The following DDX46 variants were observed in gnomAD, a reference collection of about 807,000 sequenced individuals.
DDX46 encodes DEAD-box helicase 46.
In DDX46, 30 loss-of-function variants were observed where a neutral mutation model predicts 134.9. The observed-to-expected ratio is 0.22, with a 90% CI of 0.17 to 0.30. DDX46 has a LOEUF of 0.30. Among genes scored for constraint, DDX46 ranks in the 10% least tolerant of loss-of-function variants. DDX46 has a pLI of 1.00. For missense variants in DDX46, 622 were observed against 1,248.7 expected (o/e 0.50, Z 7.56); for synonymous variants, 415 against 404.1 (o/e 1.03, Z -0.32).
At chr5:134,771,574 C>T (rs1182138582) in intron 4 of DDX46, among the ~76,000 whole-genome samples, 11 of 148,058 alleles carry the variant, frequency 7.4e-5, no homozygotes, top group East Asian at 2.0e-4. Flanking sequence ...TGGTGGCAGG[C>T]GCCTGTAGTC....
rs1412568387 is a variant in DDX46 at position 134,795,354 on chromosome 5, CAG to C, written c.1791+341_1791+342del. Among the ~76,000 whole-genome samples the C allele has an allele frequency of 1.1e-4, 17 of 152,076 alleles. 1 individual carries two copies. Among genetic ancestry groups the C allele is most frequent in the Admixed American group, 7.2e-4 (11 of 15,264 alleles). ...CATCAGTGTGGTGACCTCCCGGTAA[CAG>C]GGGACCACCAGATTGCCTAAAGAAT... is the stretch of plus-strand genomic sequence containing the variant. On this transcript the variant is annotated intron_variant, in intron 14 of 22. Coordinates refer to ENST00000452510, the MANE Select transcript of DDX46 (RefSeq NM_001300860.2).
intron 15 of DDX46, among the ~76,000 whole-genome samples, chr5:134,802,062 T>C (rs969413422): frequency 3.9e-5 from 6 of 152,136 alleles, no homozygotes; most frequent in Non-Finnish European, 7.3e-5. Flanking sequence ...TTCAGTTATG[T>C]ATATGTTTGA....
intron 11 of DDX46, among the ~76,000 whole-genome samples, chr5:134,787,341 AAAAGTT>A (rs1392241519): frequency 6.6e-6 from 1 of 152,214 alleles, no homozygotes. Context: ...TTGGAGTATA[AAAAGTT>A]AAAACCACTT....
At chr5:134,784,931 C>G (rs1273987140) in intron 10 of DDX46, among the ~76,000 whole-genome samples, 1 of 152,154 alleles carries the variant, frequency 6.6e-6, no homozygotes, top group Non-Finnish European at 1.5e-5. Context: ...CCTTAACAGG[C>G]TATAATGCCA....
At position 134,807,599 on chromosome 5, in the gene DDX46, A is replaced by G. The variant is rs992427383; in HGVS notation, c.1955-149A>G. On this transcript the variant is annotated intron_variant, in intron 15 of 22. Transcript: ENST00000452510. ...AATGAGTTAATAGCAATAACCTTTA[A>G]TCTTGCCATTACATTTTCTTAGTCT... is the stretch of plus-strand genomic sequence containing the variant. 8.8e-6 allele frequency: 6 copies of G among 678,248 alleles called. No homozygotes were observed. The East Asian group carries it at 1.7e-4, about 19-fold the overall frequency. The allele number at this position is 678,248 out of a possible 1,614,324, so 42.0% of individuals were successfully genotyped here.
Position 134,775,115 on chromosome 5 carries a change from C to CAGCT in DDX46, c.613+1256_613+1259dup, listed in dbSNP as rs545142707. 1.1e-4 allele frequency among the ~76,000 whole-genome samples: 16 copies of CAGCT among 152,178 alleles called. No homozygotes were observed. In the East Asian group the frequency reaches 3.1e-3, roughly 29 times the overall value. ...GATTACAGGCGTGAGCCACCATGCC[C>CAGCT]AGCTAATTTTGTCATTTTTTGAAGA... On this transcript the variant is annotated intron_variant, in intron 5 of 22. Transcript: ENST00000452510.
rs369352257 is a variant in DDX46, at chr5:134,794,870, T to C, written c.1647T>C (p.Asn549=). ...FEPQVMRIVD[N]VRPDRQTVMF... ...CTCAGGTCATGCGCATCGTGGATAA[T>C]GTTCGTCCTGATCGACAGACGGTTA... The change falls in exon 14 of 23, where the codon AAT becomes AAC. Residue 549 remains asparagine, a synonymous_variant. Transcript: ENST00000452510. 3.3e-5 allele frequency: 54 copies of C among 1,614,112 alleles called. No homozygotes were observed. Among genetic ancestry groups the C allele is most frequent in the Non-Finnish European group, 4.0e-5 (47 of 1,180,044 alleles).
At chr5:134,771,662 A>G (rs748475873) in intron 4 of DDX46, among the ~76,000 whole-genome samples, 3 of 151,622 alleles carry the variant, frequency 2.0e-5, no homozygotes, top group African/African-American at 4.8e-5. Flanking sequence ...AGATTGGGCC[A>G]CTGTACTCCA....
intron 14 of DDX46, 103 bp from the exon 15 acceptor site, chr5:134,795,885 C>A: frequency 9.6e-7 from 1 of 1,041,250 alleles, no homozygotes; most frequent in Non-Finnish European, 1.4e-6. Context: ...AAAGATATAG[C>A]AAGATATTGT....
At chr5:134,777,539 CAG>C (rs764466209) in intron 5 of DDX46, 33 bp from the exon 6 acceptor site, 115 of 1,607,004 alleles carry the variant, frequency 7.2e-5, no homozygotes, top group Non-Finnish European at 9.2e-5. Context: ...CATTTTTAAA[CAG>C]ATGTTTAAAG....
intron 6 of DDX46, among the ~76,000 whole-genome samples, chr5:134,780,530 C>G (rs567273557): frequency 6.7e-6 from 1 of 148,790 alleles, no homozygotes; most frequent in South Asian, 2.1e-4. Context: ...TGCCATTGCA[C>G]TCCAGCCTGG....
At position 134,828,727 on chromosome 5, in the gene DDX46, T is replaced by A; in HGVS notation, c.*21T>A. 3 of 1,490,204 alleles carry A rather than the reference T, an allele frequency of 2.0e-6. No homozygotes were observed. Among genetic ancestry groups the A allele is most frequent in the Non-Finnish European group, 2.7e-6 (3 of 1,120,458 alleles). The allele number at this position is 1,490,204 out of a possible 1,614,324, so 92.3% of individuals were successfully genotyped here. A position where few individuals can be genotyped will look rare whatever the true frequency, so the allele number is the denominator to read the frequency against. ...TATAGACATCCGGAAAAAAGATTTT[T>A]ACCTGTGCTGGTCTATGATGTATGT... On this transcript the variant is annotated 3_prime_UTR_variant, in exon 23 of 23. Coordinates refer to ENST00000452510, the MANE Select transcript of DDX46 (RefSeq NM_001300860.2).
intron 1 of DDX46, 31 bp from the exon 2 acceptor site, chr5:134,763,873 G>T (rs778871816): frequency 1.3e-6 from 2 of 1,585,802 alleles, no homozygotes; most frequent in South Asian, 2.3e-5. Context: ...AATGGTGTTT[G>T]CTGAACTTAA....
Position 134,819,155 on chromosome 5 carries a change from A to G in DDX46, c.2977+151A>G, listed in dbSNP as rs899718540. The G allele has an allele frequency of 1.5e-5, 12 of 793,622 alleles. No homozygotes were observed. The Admixed American group carries it at 1.8e-4, about 12-fold the overall frequency. 49.2% of individuals were successfully genotyped at this position (793,622 alleles called of 1,614,324 possible). ...AAATCTTATGACATTTGAGGTCTTT[A>G]TATATAAGAATTTCAGTACATATGC... is the stretch of plus-strand genomic sequence containing the variant. On this transcript the variant is annotated intron_variant, in intron 21 of 22. Coordinates refer to ENST00000452510, the MANE Select transcript of DDX46 (RefSeq NM_001300860.2).
At chr5:134,764,142 C>T (rs541641178) in intron 2 of DDX46, 50 bp downstream of exon 2, 36 of 1,539,726 alleles carry the variant, frequency 2.3e-5, no homozygotes, top group Middle Eastern at 4.3e-4. Flanking sequence ...TGGGCCTTCT[C>T]GGCTATAGCA....
At chr5:134,782,301 T>A (rs957742391) in intron 8 of DDX46, among the ~76,000 whole-genome samples, 1 of 152,030 alleles carries the variant, frequency 6.6e-6, no homozygotes. Flanking sequence ...AGCTCAGAAG[T>A]TCGAGACCAG....
rs144484422 is a variant in DDX46, at chr5:134,797,702, A to G, written c.1954+1552A>G. Among the ~76,000 whole-genome samples, 580 of 152,374 alleles carry G rather than the reference A, an allele frequency of 3.8e-3. 3 individuals are homozygous for G. The highest frequency in any genetic ancestry group is 0.013 in the African/African-American group (551 of 41,588). On this transcript the variant is annotated intron_variant, in intron 15 of 22. Coordinates refer to ENST00000452510, the MANE Select transcript of DDX46 (RefSeq NM_001300860.2). Reference sequence around the variant, plus strand: ...TCCCACATGCAGAAAAGCATATGGAATAGGACATATCTTTGAAATACAGTC... The same window carrying G: ...TCCCACATGCAGAAAAGCATATGGAGTAGGACATATCTTTGAAATACAGTC...
intron 6 of DDX46, 45 bp downstream of exon 6, chr5:134,777,770 A>T (rs747901353): frequency 1.1e-5 from 17 of 1,566,206 alleles, no homozygotes; most frequent in Non-Finnish European, 1.5e-5. Flanking sequence ...CCTCTTGGGT[A>T]ACTTGAGTTC....
rs549211995 is a variant in DDX46 at position 134,758,921 on chromosome 5, A to T, written c.-18A>T. 16 of 1,613,408 alleles carry T rather than the reference A, an allele frequency of 9.9e-6. No individual in the cohort carries two copies. The South Asian group carries it at 1.8e-4, about 18-fold the overall frequency. ...GTGCGTGGTACTCAAGGGCACCAGT[A>T]TTCCCGCGGTCGGCAGCATGGGTCG... On this transcript the variant is annotated 5_prime_UTR_variant, in exon 1 of 23. Transcript: ENST00000452510.
Sources: gnomAD v4.1 joint callset for allele counts (sites outside exome capture counted in the v4.1 genomes callset) on GRCh38, gnomAD v4.1.1 for gene constraint, MANE v1.5 for transcripts, NCBI Gene and HGNC (gene_info 2026-07-23, HGNC 2026-07-21) for gene names.